Variants in INSC observed in about 807,000 individuals in gnomAD.
INSC encodes the protein INSC spindle orientation adaptor protein.
INSC carries 67 observed loss-of-function variants against 58.6 expected under a neutral mutation model. The observed-to-expected ratio is 1.14, with a 90% CI of 0.94 to 1.40. The LOEUF (loss-of-function observed/expected upper bound fraction) is 1.40. Among genes scored for constraint, INSC ranks in the 40% most tolerant of loss-of-function variants. The probability of loss-of-function intolerance (pLI) is 0.00; values close to 1 mark genes in which losing one functional copy is unlikely to be tolerated. For synonymous variants in INSC, 262 were observed against 276.1 expected, an observed-to-expected ratio of 0.95 and a Z score of 0.51; for missense variants, 714 against 692.0, an observed-to-expected ratio of 1.03 and a Z score of -0.36.
intron 5 of INSC, among the ~76,000 whole-genome samples, chr11:15,186,247 A>AC (rs1849962010): frequency 1.7e-5 from 1 of 57,852 alleles, no homozygotes; most frequent in African/African-American, 7.4e-5. Context: ...TCTTTCTGCT[A>AC]CTTTTTTTTT....
chr11:15,257,996 T>G, the INSC span, among the ~76,000 whole-genome samples: 1 of 151,706 alleles, frequency 6.6e-6, no homozygotes, highest in African/African-American at 2.4e-5. Context: ...CCTGGAGAGG[T>G]AGGAAAGGGA....
intron 12 of INSC, among the ~76,000 whole-genome samples, chr11:15,245,676 A>G (rs1852534515): frequency 6.6e-6 from 1 of 152,210 alleles, no homozygotes; most frequent in Non-Finnish European, 1.5e-5. Context: ...TTCAGATGAC[A>G]TCTATCTTAG....
At chr11:15,225,931 CCT>C in intron 9 of INSC, 103 bp downstream of exon 9, 1 of 1,190,582 alleles carries the variant, frequency 8.4e-7, no homozygotes, top group Non-Finnish European at 1.2e-6. Flanking sequence ...GCATGGGAGT[CCT>C]GTTAGTTTTG....
At chr11:15,148,794 T>A (rs1006257453) in intron 1 of INSC, among the ~76,000 whole-genome samples, 4 of 152,226 alleles carry the variant, frequency 2.6e-5, no homozygotes, top group African/African-American at 9.6e-5. Context: ...AAACCATAGA[T>A]ACTTTTTAGT....
At position 15,169,530 on chromosome 11, in the gene INSC, G is replaced by GTTGT. The variant is rs751817712; in HGVS notation, c.57-6188_57-6185dup. 9.3e-4 allele frequency among the ~76,000 whole-genome samples: 122 copies of GTTGT among 131,794 alleles called. No individual in the cohort carries two copies. In the East Asian group the frequency reaches 0.029, roughly 31 times the overall value. The allele number at this position is 131,794 out of a possible 152,430, so 86.5% of individuals were successfully genotyped here. A position where few individuals can be genotyped will look rare whatever the true frequency, so the allele number is the denominator to read the frequency against. ...TGGGCTCACAGTTTTTGTTGTTGTTGTTGTTTGTTTGTTTGTTTGTTTGTT... is the reference window on the plus strand; with the variant it reads ...TGGGCTCACAGTTTTTGTTGTTGTTGTTGTTTGTTTGTTTGTTTGTTTGTTTGTT... On this transcript the variant is annotated intron_variant, in intron 2 of 12. Coordinates refer to ENST00000379556, the MANE Select transcript of INSC (RefSeq NM_001042536.3).
intron 9 of INSC, among the ~76,000 whole-genome samples, chr11:15,228,965 C>A (rs927640475): frequency 6.6e-6 from 1 of 152,176 alleles, no homozygotes; most frequent in African/African-American, 2.4e-5. Flanking sequence ...GCCTGACAAG[C>A]AATCTGAATA....
intron 5 of INSC, among the ~76,000 whole-genome samples, chr11:15,189,367 GTTTATTTATTTATTTA>G (rs146274786): frequency 0.029 from 4,370 of 150,154 alleles, 220 homozygotes; most frequent in African/African-American, 0.1. Context: ...ACACCATTTT[GTTTATTTATTTATTTA>G]TTTATTTATT....
chr11:15,191,132 C>T (rs1300016404), intron 6 of INSC, among the ~76,000 whole-genome samples: 1 of 152,130 alleles, frequency 6.6e-6, no homozygotes. Flanking sequence ...AGGCGCCTGC[C>T]ACCACGTCCG....
intron 1 of INSC, among the ~76,000 whole-genome samples, chr11:15,138,716 G>A (rs1293992182): frequency 6.6e-6 from 1 of 152,216 alleles, no homozygotes; most frequent in African/African-American, 2.4e-5. Context: ...CTGGGTCAAA[G>A]TAGCTTCTGG....
At chr11:15,145,633 C>T (rs1323193262) in intron 1 of INSC, among the ~76,000 whole-genome samples, 2 of 152,150 alleles carry the variant, frequency 1.3e-5, no homozygotes, top group Non-Finnish European at 2.9e-5. Context: ...CCCTTTAGGG[C>T]CTATCTCTGT....
chr11:15,200,002 G>A (rs1270353013), intron 6 of INSC, among the ~76,000 whole-genome samples: 2 of 152,058 alleles, frequency 1.3e-5, no homozygotes, highest in Non-Finnish European at 2.9e-5. Flanking sequence ...TAGTTAGCAG[G>A]GCACCTGGAC....
At chr11:15,239,106 G>A (rs1242541239) in intron 11 of INSC, 32 bp downstream of exon 11, 1 of 1,593,284 alleles carries the variant, frequency 6.3e-7, no homozygotes, top group South Asian at 1.1e-5. Context: ...TGGCTGGAGT[G>A]GAGTGGGGGT....
chr11:15,217,074 G>A (rs1851247085), intron 7 of INSC, among the ~76,000 whole-genome samples: 1 of 152,044 alleles, frequency 6.6e-6, no homozygotes, highest in South Asian at 2.1e-4. Context: ...TCACATTGCT[G>A]TAAGGACATA....
chr11:15,124,231 G>A (rs942473158), intron 1 of INSC, among the ~76,000 whole-genome samples: 1 of 152,174 alleles, frequency 6.6e-6, no homozygotes, highest in Non-Finnish European at 1.5e-5. Context: ...AGAATCCCAG[G>A]TGAGGAGACT....
At chr11:15,153,501 G>T (rs1590369044) in intron 2 of INSC, among the ~76,000 whole-genome samples, 1 of 152,204 alleles carries the variant, frequency 6.6e-6, no homozygotes, top group East Asian at 1.9e-4. Context: ...TTCTATGCTT[G>T]TGGTGAGATG....
rs1852581858 is a variant in INSC, at chr11:15,246,834, G to A, written c.*794G>A. ...TTGATTCCTCCTCAAAAGTATACTT[G>A]AAAGCAGTGGTGTGCTGAAGCCAGC... On this transcript the variant is annotated 3_prime_UTR_variant, in exon 13 of 13. Coordinates refer to ENST00000379556, the MANE Select transcript of INSC (RefSeq NM_001042536.3). The A allele has an allele frequency of 6.6e-6, 1 of 152,164 alleles. No homozygotes were observed. Among genetic ancestry groups the A allele is most frequent in the Non-Finnish European group, 1.5e-5 (1 of 68,050 alleles). The allele number at this position is 152,164 out of a possible 1,614,324, so 9.4% of individuals were successfully genotyped here.
At chr11:15,180,004 T>C (rs183843538) in intron 5 of INSC, among the ~76,000 whole-genome samples, 1,743 of 152,212 alleles carry the variant, frequency 0.011, 25 homozygotes, top group African/African-American at 0.04. Context: ...CGCCTGTAAT[T>C]CCAGCACTTT....
intron 2 of INSC, among the ~76,000 whole-genome samples, chr11:15,165,712 T>A (rs1407402668): frequency 6.6e-6 from 1 of 151,950 alleles, no homozygotes; most frequent in Admixed American, 6.6e-5. Context: ...TCCTGTGGAG[T>A]CCAGAGAGCA....
At chr11:15,201,714 T>A (rs1850600034) in intron 7 of INSC, among the ~76,000 whole-genome samples, 1 of 152,176 alleles carries the variant, frequency 6.6e-6, no homozygotes, top group Non-Finnish European at 1.5e-5. Flanking sequence ...CAACCAAGTT[T>A]CCAGGAAAGA....
Sources: allele counts gnomAD v4.1 joint callset (sites outside exome capture counted in the v4.1 genomes callset), GRCh38; gene constraint gnomAD v4.1.1; transcripts MANE v1.5; gene names NCBI Gene and HGNC (gene_info 2026-07-23, HGNC 2026-07-21).